The following SMARCB1 variants were observed in gnomAD, a reference collection of about 807,000 sequenced individuals.
SMARCB1 encodes the protein SWI/SNF related BAF chromatin remodeling complex subunit B1.
Under a neutral mutation model 49.0 loss-of-function variants are expected in SMARCB1, and 5 were observed. That is an observed-to-expected ratio of 0.10 (90% CI 0.05 to 0.21). SMARCB1 has a LOEUF of 0.21. Ranked by LOEUF, SMARCB1 falls within the 10% of genes least tolerant of loss-of-function variation. SMARCB1 has a pLI of 1.00. For synonymous variants in SMARCB1, 201 were observed against 200.1 expected (o/e 1.00, Z -0.04); for missense variants, 226 against 509.2 (o/e 0.44, Z 5.35).
chr22:23,820,310 C>A (rs1419477194), intron 6 of SMARCB1, among the ~76,000 whole-genome samples: 2 of 151,570 alleles, frequency 1.3e-5, no homozygotes, highest in African/African-American at 2.4e-5. Flanking sequence ...TGCAGTGGCT[C>A]ACGCCTGTAA....
In SMARCB1 at chr22:23,834,296, G is replaced by A; in HGVS notation, c.*116G>A. 1 of 1,206,258 alleles carries A rather than the reference G, an allele frequency of 8.3e-7. No homozygotes were observed. The highest frequency in any genetic ancestry group is 1.2e-6 in the Non-Finnish European group (1 of 843,016). 74.7% of individuals were successfully genotyped at this position (1,206,258 alleles called of 1,614,324 possible). On this transcript the variant is annotated 3_prime_UTR_variant, in exon 9 of 9. Transcript: ENST00000644036. ...AGCCCAGCGCCATCCTGAGGATCGGGTGGGGGTGGAGTGGGGGCTTCCAGG... is the reference window on the plus strand; with the variant it reads ...AGCCCAGCGCCATCCTGAGGATCGGATGGGGGTGGAGTGGGGGCTTCCAGG...
chr22:23,795,328 A>G (rs903350160), intron 3 of SMARCB1, among the ~76,000 whole-genome samples: 2 of 152,060 alleles, frequency 1.3e-5, no homozygotes, highest in Admixed American at 6.6e-5. Flanking sequence ...CCTCTAGCCT[A>G]GGTAACAGAA....
chr22:23,835,044 C>G lies in SMARCB1; in HGVS notation c.*864C>G, dbSNP rs550315318. The G allele has an allele frequency of 7.1e-7, 1 of 1,406,500 alleles. No homozygotes were observed. Among genetic ancestry groups the G allele is most frequent in the Admixed American group, 3.0e-5 (1 of 32,980 alleles). The allele number at this position is 1,406,500 out of a possible 1,614,324, so 87.1% of individuals were successfully genotyped here. On this transcript the variant is annotated 3_prime_UTR_variant, in exon 9 of 9. Transcript: ENST00000644036. Reference sequence around the variant, plus strand: ...TAGCCAGGTCAGCTGGGGCCCTTTCCCACCCCAGCAGGTGCTGTGGCCTGG... The same window carrying G: ...TAGCCAGGTCAGCTGGGGCCCTTTCGCACCCCAGCAGGTGCTGTGGCCTGG...
chr22:23,803,258 GC>G, intron 4 of SMARCB1, 36 bp from the exon 5 acceptor site: 1 of 1,613,696 alleles, frequency 6.2e-7, no homozygotes, highest in Non-Finnish European at 8.5e-7. Context: ...TAGGGCTCCG[GC>G]CCCCTCGCTG....
In SMARCB1 at chr22:23,836,067, A is replaced by G; in HGVS notation, c.*1887A>G. The G allele has an allele frequency of 1.0e-6, 1 of 985,516 alleles. No homozygotes were observed. 61.0% of individuals were successfully genotyped at this position (985,516 alleles called of 1,614,324 possible). On this transcript the variant is annotated 3_prime_UTR_variant, in exon 9 of 9. Coordinates refer to ENST00000644036, the MANE Select transcript of SMARCB1 (RefSeq NM_003073.5). Reference sequence around the variant, plus strand: ...ACAACAAGGAAAGCTGCCAGGTCAGAAGAGAAAAATGAGCCACAGGGGTCG... The same window carrying G: ...ACAACAAGGAAAGCTGCCAGGTCAGGAGAGAAAAATGAGCCACAGGGGTCG...
chr22:23,807,628 C>A (rs1439266200), intron 5 of SMARCB1, among the ~76,000 whole-genome samples: 2 of 151,368 alleles, frequency 1.3e-5, no homozygotes, highest in Non-Finnish European at 2.9e-5. Context: ...ATTCAGGAAG[C>A]CAAGTGAAGC....
chr22:23,794,238 G>A (rs1366271743), intron 3 of SMARCB1, among the ~76,000 whole-genome samples: 2 of 152,080 alleles, frequency 1.3e-5, no homozygotes, highest in Non-Finnish European at 2.9e-5. Flanking sequence ...CACCGCGCCC[G>A]GTCCTGATTT....
At chr22:23,821,408 G>A (rs1419530021) in intron 6 of SMARCB1, among the ~76,000 whole-genome samples, 1 of 148,414 alleles carries the variant, frequency 6.7e-6, no homozygotes, top group African/African-American at 2.5e-5. Flanking sequence ...AGAAGAGCTG[G>A]GTATTTCTTT....
In SMARCB1 at chr22:23,833,709, C is replaced by G. The variant is rs200675113; in HGVS notation, c.1118+6C>G. On this transcript the variant is annotated splice_donor_region_variant and intron_variant, in intron 8 of 8. Coordinates refer to ENST00000644036, the MANE Select transcript of SMARCB1 (RefSeq NM_003073.5). ...GACCAGGACAGGAACACGAGGTACCCCTGGCCCTGTGGTCCTGGGCTCTGC... is the reference window on the plus strand; with the variant it reads ...GACCAGGACAGGAACACGAGGTACCGCTGGCCCTGTGGTCCTGGGCTCTGC... 7.4e-6 allele frequency: 12 copies of G among 1,613,990 alleles called. No homozygotes were observed. The highest frequency in any genetic ancestry group is 1.7e-4 in the Middle Eastern group (1 of 6,046).
intron 7 of SMARCB1, among the ~76,000 whole-genome samples, chr22:23,827,095 G>A (rs936988755): frequency 2.1e-4 from 32 of 152,194 alleles, no homozygotes; most frequent in African/African-American, 7.7e-4. Flanking sequence ...CTGAGGCCCC[G>A]GGAGGCAGTC....
rs781751871 is a variant in SMARCB1 at position 23,787,303 on chromosome 22, C to T, written c.93+41C>T. 5 of 1,299,320 alleles carry T rather than the reference C, an allele frequency of 3.8e-6. No homozygotes were observed. The South Asian group carries it at 4.9e-5, about 13-fold the overall frequency. The allele number at this position is 1,299,320 out of a possible 1,614,324, so 80.5% of individuals were successfully genotyped here. On this transcript the variant is annotated intron_variant, in intron 1 of 8. Transcript: ENST00000644036. ...TTCTCGCCCTCCCCGGGCTCGGCCCCGCGGGAGCCCCGGGGCGGGCCCATG... is the reference window on the plus strand; with the variant it reads ...TTCTCGCCCTCCCCGGGCTCGGCCCTGCGGGAGCCCCGGGGCGGGCCCATG...
intron 5 of SMARCB1, chr22:23,804,105 C>T (rs1025377176): frequency 6.6e-6 from 1 of 151,734 alleles, no homozygotes; most frequent in Non-Finnish European, 1.5e-5. Context: ...TTGTTGCATA[C>T]CAGTTTTTTT....
Position 23,825,339 on chromosome 22 carries a change from G to A in SMARCB1, c.910G>A (p.Gly304Ser). 6.2e-7 allele frequency: 1 copy of A among 1,614,190 alleles called. No homozygotes were observed. The highest frequency in any genetic ancestry group is 8.5e-7 in the Non-Finnish European group (1 of 1,179,996). ...GAAGCTGTGCTCGGAGCTGGGGTTG[G>A]GCGGGGAGTTTGTCACCACCATCGC... Reference protein sequence around the residue: ...ALKLCSELGLGGEFVTTIAYS... With the variant: ...ALKLCSELGLSGEFVTTIAYS... Residue 304 changes from glycine (G) to serine (S), a missense_variant, in exon 7 of 9, where the codon GGC becomes AGC. Coordinates refer to ENST00000644036, the MANE Select transcript of SMARCB1 (RefSeq NM_003073.5).
At chr22:23,798,163 C>T (rs1341086171) in intron 3 of SMARCB1, among the ~76,000 whole-genome samples, 1 of 152,186 alleles carries the variant, frequency 6.6e-6, no homozygotes, top group African/African-American at 2.4e-5. Flanking sequence ...GCTCAGCTAC[C>T]TGGAAATCAC....
At chr22:23,793,445 C>T (rs187866281) in intron 2 of SMARCB1, 114 bp from the exon 3 acceptor site, 1 of 1,093,474 alleles carries the variant, frequency 9.1e-7, no homozygotes, top group African/African-American at 1.5e-5. Context: ...AAGTTTGACA[C>T]CTTGCTTTTC....
At position 23,837,518 on chromosome 22, in the gene SMARCB1, G is replaced by A; in HGVS notation, c.*3338G>A. The A allele has an allele frequency of 2.2e-6, 2 of 899,806 alleles. No homozygotes were observed. Among genetic ancestry groups the A allele is most frequent in the South Asian group, 3.4e-5 (2 of 59,100 alleles). The allele number at this position is 899,806 out of a possible 1,614,324, so 55.7% of individuals were successfully genotyped here. A position where few individuals can be genotyped will look rare whatever the true frequency, so the allele number is the denominator to read the frequency against. On this transcript the variant is annotated 3_prime_UTR_variant, in exon 9 of 9. Transcript: ENST00000644036. Reference sequence around the variant, plus strand: ...CTTGAGGGGCTGTAAGAGCACAGCAGCTGGGAGGGCAGGAAGATGGGGATG... The same window carrying A: ...CTTGAGGGGCTGTAAGAGCACAGCAACTGGGAGGGCAGGAAGATGGGGATG...
intron 5 of SMARCB1, among the ~76,000 whole-genome samples, chr22:23,812,974 C>T (rs539703055): frequency 1.3e-5 from 2 of 151,678 alleles, no homozygotes; most frequent in South Asian, 4.2e-4. Flanking sequence ...ACACCATTCT[C>T]CTGCCTCAGC....
chr22:23,803,557 G>C, intron 5 of SMARCB1, 135 bp downstream of exon 5: 1 of 993,982 alleles, frequency 1.0e-6, no homozygotes, highest in Non-Finnish European at 1.5e-6. Context: ...TAGTTTTGGA[G>C]GGTGTGGGCT....
In SMARCB1 at chr22:23,814,756, AG is replaced by A. The variant is rs540013570; in HGVS notation, c.629-2012del. 4.4e-3 allele frequency among the ~76,000 whole-genome samples: 662 copies of A among 151,770 alleles called. 1 individual carries two copies. The highest frequency in any genetic ancestry group is 6.9e-3 in the Non-Finnish European group (467 of 67,922). ...GAGGCTGAGGTGGGCGGATCACCTG[AG>A]GTCAGGAGTTTGAGACCAGCTTGAC... On this transcript the variant is annotated intron_variant, in intron 5 of 8. Coordinates refer to ENST00000644036, the MANE Select transcript of SMARCB1 (RefSeq NM_003073.5).
Sources: allele counts gnomAD v4.1 joint callset (sites outside exome capture counted in the v4.1 genomes callset), GRCh38; gene constraint gnomAD v4.1.1; transcripts MANE v1.5; gene names NCBI Gene and HGNC (gene_info 2026-07-23, HGNC 2026-07-21).